Variants in TBL1X observed in about 807,000 individuals in gnomAD.
TBL1X encodes transducin beta like 1 X-linked.
Under a neutral mutation model 50.7 loss-of-function variants are expected in TBL1X, and 10 were observed. The observed-to-expected ratio is 0.20, with a 90% CI of 0.12 to 0.33. TBL1X has a LOEUF of 0.33. Ranked by LOEUF, TBL1X falls within the 10% of genes least tolerant of loss-of-function variation. The pLI is 1.00. For missense variants in TBL1X, 340 were observed against 504.4 expected (o/e 0.67, Z 3.12); for synonymous variants, 190 against 214.7 (o/e 0.88, Z 1.01).
chrX:9,537,916 C>T (rs761711129), intron 2 of TBL1X, among the ~76,000 whole-genome samples: 3 of 112,033 alleles, frequency 2.7e-5, no homozygotes, highest in Non-Finnish European at 3.8e-5. Context: ...AGCGAGTTGT[C>T]GGCTGGGGGC....
intron 1 of TBL1X, among the ~76,000 whole-genome samples, chrX:9,484,552 A>G (rs1264999098): frequency 9.0e-6 from 1 of 110,666 alleles, no homozygotes; most frequent in African/African-American, 3.3e-5. Context: ...CCTCAGCATC[A>G]TGATTTTGGG....
In TBL1X at chrX:9,549,389, T is replaced by C. The variant is rs186365444; in HGVS notation, c.-131+47540T>C. The stretch of plus-strand genomic sequence containing the variant: ...GTGAAAAAACTAAAAGAGGATTTTG[T>C]CATGACACATGAAAATGATATAAAA... On this transcript the variant is annotated intron_variant, in intron 2 of 17. Coordinates refer to ENST00000645353, the MANE Select transcript of TBL1X (RefSeq NM_005647.4). Among the ~76,000 whole-genome samples the C allele has an allele frequency of 5.3e-5, 6 of 113,060 alleles. No homozygotes were observed. The Admixed American group carries it at 5.6e-4, about 11-fold the overall frequency.
chrX:9,569,393 GCTGTGTGTCTGTGTGGTGTA>G (rs2082373214), intron 2 of TBL1X, among the ~76,000 whole-genome samples: 1 of 110,439 alleles, frequency 9.1e-6, no homozygotes, highest in Admixed American at 9.6e-5. Context: ...TGTGTGGTGT[GCTGTGTGTCTGTGTGGTGTA>G]CTGTGTGTGT....
intron 2 of TBL1X, among the ~76,000 whole-genome samples, chrX:9,604,362 A>G (rs17255118): frequency 0.043 from 4,837 of 111,982 alleles, 103 homozygotes; most frequent in Non-Finnish European, 0.063. Flanking sequence ...AGCCAGATGC[A>G]GAAGTCAGAA....
chrX:9,498,775 T>C (rs1177378272), intron 1 of TBL1X, among the ~76,000 whole-genome samples: 1 of 112,442 alleles, frequency 8.9e-6, no homozygotes, highest in Non-Finnish European at 1.9e-5. Flanking sequence ...AGTTTCCCTA[T>C]TTGCAGTTAG....
intron 2 of TBL1X, among the ~76,000 whole-genome samples, chrX:9,605,957 A>G (rs751893496): frequency 1.8e-5 from 2 of 112,374 alleles, no homozygotes; most frequent in East Asian, 5.6e-4. Flanking sequence ...AATGACCCCA[A>G]AACTCAGCAG....
intron 13 of TBL1X, among the ~76,000 whole-genome samples, chrX:9,708,205 G>T (rs2083221596): frequency 9.0e-6 from 1 of 111,392 alleles, no homozygotes; most frequent in Non-Finnish European, 1.9e-5. Flanking sequence ...TGCCTGTCCC[G>T]GTAGTGTCCC....
At chrX:9,638,752 T>G (rs141212490) in intron 2 of TBL1X, among the ~76,000 whole-genome samples, 1,354 of 111,832 alleles carry the variant, frequency 0.012, 29 homozygotes, top group African/African-American at 0.042. Flanking sequence ...AATTTGGAAC[T>G]TATTGTGGTG....
At chrX:9,613,925 G>T (rs1401329654) in intron 2 of TBL1X, among the ~76,000 whole-genome samples, 2 of 99,653 alleles carry the variant, frequency 2.0e-5, no homozygotes, top group Non-Finnish European at 4.0e-5. Context: ...GGCGGAGGTT[G>T]CAGTGAGCTG....
chrX:9,542,577 C>T (rs1042501582), intron 2 of TBL1X, among the ~76,000 whole-genome samples: 1 of 111,753 alleles, frequency 8.9e-6, no homozygotes, highest in African/African-American at 3.3e-5. Context: ...CTTGGCCCCG[C>T]CTCGCACTTT....
Position 9,718,126 on chromosome X carries a change from G to C in TBL1X, c.*1880G>C, listed in dbSNP as rs2083289862. 9.0e-6 allele frequency: 1 copy of C among 110,649 alleles called. No individual in the cohort carries two copies. The highest frequency in any genetic ancestry group is 3.3e-5 in the African/African-American group (1 of 30,329). 9.1% of individuals were successfully genotyped at this position (110,649 alleles called of 1,213,427 possible). A position where few individuals can be genotyped will look rare whatever the true frequency, so the allele number is the denominator to read the frequency against. ...CTGAGGAAGATGGCCCAGCCCGTGG[G>C]GGCTGCTGGGTCACCAGCAGTGGGT... On this transcript the variant is annotated 3_prime_UTR_variant, in exon 18 of 18. Coordinates refer to ENST00000645353, the MANE Select transcript of TBL1X (RefSeq NM_005647.4).
In TBL1X at chrX:9,709,676, C is replaced by T; in HGVS notation, c.1355C>T (p.Ala452Val). The T allele has an allele frequency of 8.3e-7, 1 of 1,200,259 alleles. No individual in the cohort carries two copies. Among genetic ancestry groups the T allele is most frequent in the Non-Finnish European group, 1.1e-6 (1 of 889,912 alleles). The stretch of plus-strand genomic sequence containing the variant: ...GAGGTGTGCATCCATGATCTTCAGG[C>T]TCACAATAAAGAGATCTACACCATC... Reference protein sequence around the residue: ...KQEVCIHDLQAHNKEIYTIKW... With the variant: ...KQEVCIHDLQVHNKEIYTIKW... The change falls in exon 15 of 18, where the codon GCT (alanine) becomes GTT (valine). Residue 452 changes from alanine (A) to valine (V), a missense_variant. This residue lies in a region of TBL1X where 170 missense variants were observed against 272.6 expected (regional missense o/e 0.62). Coordinates refer to ENST00000645353, the MANE Select transcript of TBL1X (RefSeq NM_005647.4).
chrX:9,585,336 C>CCT (rs1258063173), intron 2 of TBL1X, among the ~76,000 whole-genome samples: 24 of 64,056 alleles, frequency 3.7e-4, no homozygotes, highest in African/African-American at 1.5e-3. Flanking sequence ...CCACCCCCCT[C>CCT]CCCTCCCCCC....
At chrX:9,607,058 C>G (rs768700315) in intron 2 of TBL1X, among the ~76,000 whole-genome samples, 1 of 112,529 alleles carries the variant, frequency 8.9e-6, no homozygotes, top group African/African-American at 3.2e-5. Flanking sequence ...GATTTCAGCC[C>G]CTTTGTTGCT....
chrX:9,488,033 G>A (rs753184219), intron 1 of TBL1X, among the ~76,000 whole-genome samples: 31 of 111,688 alleles, frequency 2.8e-4, no homozygotes, highest in Non-Finnish European at 5.1e-4. Context: ...TACTTTTCCC[G>A]GGTTGGGTTG....
intron 14 of TBL1X, 138 bp from the exon 15 acceptor site, chrX:9,709,495 C>T: frequency 2.0e-6 from 2 of 1,015,043 alleles, no homozygotes; most frequent in South Asian, 4.5e-5. Context: ...GAATCGCAGC[C>T]TCCCTGCAGC....
chrX:9,711,068 G>A (rs896732488), intron 15 of TBL1X, among the ~76,000 whole-genome samples: 22 of 111,710 alleles, frequency 2.0e-4, no homozygotes, highest in Non-Finnish European at 3.6e-4. Context: ...AGGGCTGGGC[G>A]CAGTGGCTTA....
At chrX:9,574,808 T>C (rs2082402875) in intron 2 of TBL1X, among the ~76,000 whole-genome samples, 1 of 111,911 alleles carries the variant, frequency 8.9e-6, no homozygotes, top group Non-Finnish European at 1.9e-5. Context: ...ATTTGCACTG[T>C]GTACCCAGCA....
chrX:9,544,649 G>A (rs1320720535), intron 2 of TBL1X, among the ~76,000 whole-genome samples: 4 of 111,716 alleles, frequency 3.6e-5, no homozygotes, highest in Admixed American at 1.9e-4. Flanking sequence ...TGCAACCTAC[G>A]CCTCCCGAGT....
Sources: allele counts gnomAD v4.1 joint callset (sites outside exome capture counted in the v4.1 genomes callset), GRCh38; gene constraint gnomAD v4.1.1; regional missense constraint gnomAD v4.1.1; transcripts MANE v1.5; gene names NCBI Gene and HGNC (gene_info 2026-07-23, HGNC 2026-07-21).